The following DDX10 variants were observed in gnomAD, a reference collection of about 807,000 sequenced individuals.
The protein encoded by DDX10 is DEAD-box helicase 10.
Under a neutral mutation model 104.3 loss-of-function variants are expected in DDX10, and 74 were observed. The observed-to-expected ratio is 0.71, with a 90% CI of 0.59 to 0.86. The LOEUF (loss-of-function observed/expected upper bound fraction) is 0.86, where lower values mean the gene tolerates loss of function less well. Ranked by LOEUF, DDX10 falls within the 40% of genes least tolerant of loss-of-function variation. The pLI is 0.00. For synonymous variants in DDX10, 351 were observed against 353.4 expected (o/e 0.99, Z 0.08); for missense variants, 952 against 1,040.0 (o/e 0.92, Z 1.16).
At chr11:108,757,673 GT>G (rs2134511713) in intron 13 of DDX10, among the ~76,000 whole-genome samples, 1 of 152,160 alleles carries the variant, frequency 6.6e-6, no homozygotes, top group South Asian at 2.1e-4. Flanking sequence ...AGAACCACTT[GT>G]TGGTTGTCCT....
At chr11:108,862,033 C>T in intron 16 of DDX10, among the ~76,000 whole-genome samples, 1 of 152,048 alleles carries the variant, frequency 6.6e-6, no homozygotes. Flanking sequence ...TTTCATCAAT[C>T]TAATCAACAA....
intron 6 of DDX10, among the ~76,000 whole-genome samples, chr11:108,687,610 C>T (rs907896515): frequency 6.6e-6 from 1 of 152,104 alleles, no homozygotes; most frequent in African/African-American, 2.4e-5. Context: ...GCCTCCTTCC[C>T]CCTTTTAAAA....
chr11:108,772,377 A>G (rs1485784816), intron 13 of DDX10, among the ~76,000 whole-genome samples: 1 of 152,234 alleles, frequency 6.6e-6, no homozygotes, highest in Admixed American at 6.5e-5. Context: ...CACACAGGGA[A>G]GACAGAGACA....
intron 13 of DDX10, among the ~76,000 whole-genome samples, chr11:108,773,912 C>G (rs763186767): frequency 1.9e-4 from 29 of 152,072 alleles, no homozygotes; most frequent in Non-Finnish European, 3.4e-4. Context: ...AAGAAGATGT[C>G]TTGCTTGTAT....
intron 16 of DDX10, among the ~76,000 whole-genome samples, chr11:108,908,967 G>A (rs1863632223): frequency 6.6e-6 from 1 of 152,172 alleles, no homozygotes; most frequent in African/African-American, 2.4e-5. Context: ...AACATGTTTG[G>A]TCTTTGTCCC....
chr11:108,761,441 A>G (rs1448226870), intron 13 of DDX10, among the ~76,000 whole-genome samples: 1 of 152,066 alleles, frequency 6.6e-6, no homozygotes, highest in East Asian at 1.9e-4. Context: ...GACTCTCTAA[A>G]TGGCTTTTAA....
intron 16 of DDX10, among the ~76,000 whole-genome samples, chr11:108,889,339 G>T (rs1008323671): frequency 6.6e-6 from 1 of 152,084 alleles, no homozygotes; most frequent in Non-Finnish European, 1.5e-5. Context: ...TACTGTCACT[G>T]TATAAAACTC....
intron 13 of DDX10, among the ~76,000 whole-genome samples, chr11:108,776,079 T>C (rs566773048): frequency 2.6e-5 from 4 of 152,188 alleles, no homozygotes; most frequent in Non-Finnish European, 5.9e-5. Context: ...TATTTCCATA[T>C]CTGTTGTGGT....
At chr11:108,806,375 G>A (rs1862100802) in intron 13 of DDX10, among the ~76,000 whole-genome samples, 1 of 152,184 alleles carries the variant, frequency 6.6e-6, no homozygotes, top group South Asian at 2.1e-4. Context: ...AGACATGAGA[G>A]TGTGGTGTGT....
In DDX10 at chr11:108,898,796, C is replaced by G. The variant is rs528440825; in HGVS notation, c.2305-19077C>G. Among the ~76,000 whole-genome samples the G allele has an allele frequency of 1.2e-3, 176 of 152,186 alleles. 1 individual carries two copies. Among genetic ancestry groups the G allele is most frequent in the African/African-American group, 4.2e-3 (174 of 41,526 alleles). The stretch of plus-strand genomic sequence containing the variant: ...AGGCTCTAGGTTCACTTGAATGTGG[C>G]GTCCAGAAGAGCAGAGGGGCTTTGG... On this transcript the variant is annotated intron_variant, in intron 16 of 17. Transcript: ENST00000322536.
At chr11:108,809,138 A>G (rs1029984560) in intron 13 of DDX10, among the ~76,000 whole-genome samples, 6 of 152,316 alleles carry the variant, frequency 3.9e-5, no homozygotes, top group African/African-American at 1.4e-4. Context: ...ACAAACTCTT[A>G]TATAACCATT....
chr11:108,831,091 A>T (rs982683088), intron 13 of DDX10, among the ~76,000 whole-genome samples: 1 of 152,172 alleles, frequency 6.6e-6, no homozygotes, highest in South Asian at 2.1e-4. Flanking sequence ...TTGGGGAAAC[A>T]GTGTTTATCA....
intron 13 of DDX10, among the ~76,000 whole-genome samples, chr11:108,804,930 A>C (rs1331462078): frequency 6.6e-6 from 1 of 152,194 alleles, no homozygotes; most frequent in Non-Finnish European, 1.5e-5. Context: ...TTGCTTAATC[A>C]TGGGAGTGAC....
At chr11:108,770,075 G>A (rs2094361062) in intron 13 of DDX10, among the ~76,000 whole-genome samples, 1 of 152,234 alleles carries the variant, frequency 6.6e-6, no homozygotes, top group Admixed American at 6.5e-5. Context: ...TTTGAAAGGT[G>A]TTAAGAAAAT....
At chr11:108,939,048 A>T (rs940698641) in intron 17 of DDX10, among the ~76,000 whole-genome samples, 11 of 152,220 alleles carry the variant, frequency 7.2e-5, no homozygotes, top group African/African-American at 2.7e-4. Flanking sequence ...TTAGAAAGTT[A>T]ACGTGTATTG....
intron 16 of DDX10, among the ~76,000 whole-genome samples, chr11:108,908,096 A>G (rs1259763418): frequency 6.6e-6 from 1 of 152,174 alleles, no homozygotes; most frequent in Non-Finnish European, 1.5e-5. Context: ...TTGTGTTCAT[A>G]ATTCAGAAAA....
intron 13 of DDX10, among the ~76,000 whole-genome samples, chr11:108,809,926 A>T (rs1210381524): frequency 1.3e-5 from 2 of 152,226 alleles, no homozygotes; most frequent in East Asian, 3.8e-4. Flanking sequence ...ACTTTGAAGA[A>T]GCGGTAATAA....
chr11:108,674,546 C>T (rs529952305), intron 2 of DDX10, among the ~76,000 whole-genome samples: 6 of 150,822 alleles, frequency 4.0e-5, no homozygotes, highest in African/African-American at 1.2e-4. Flanking sequence ...GGTCTTGCTC[C>T]GTCACCCAGG....
chr11:108,799,475 C>T (rs1435148037), intron 13 of DDX10, among the ~76,000 whole-genome samples: 1 of 152,174 alleles, frequency 6.6e-6, no homozygotes, highest in African/African-American at 2.4e-5. Flanking sequence ...TGCCAGGGTT[C>T]TTCATCTGAA....
Sources: allele counts gnomAD v4.1 joint callset (sites outside exome capture counted in the v4.1 genomes callset), GRCh38; gene constraint gnomAD v4.1.1; transcripts MANE v1.5; gene names NCBI Gene and HGNC (gene_info 2026-07-23, HGNC 2026-07-21).